The following NID2 variants were observed in gnomAD, a reference collection of about 807,000 sequenced individuals.
The protein encoded by NID2 is nidogen 2, also known as nidogen-2.
A neutral mutation model predicts 145.4 loss-of-function variants in NID2; 83 were observed. That is an observed-to-expected ratio of 0.57 (90% CI 0.48 to 0.69). The LOEUF is 0.69. Among genes scored for constraint, NID2 ranks in the 30% least tolerant of loss-of-function variants. NID2 has a pLI of 0.00. For missense variants in NID2, 1,807 were observed against 1,765.7 expected (o/e 1.02, Z -0.42); for synonymous variants, 739 against 701.3 (o/e 1.05, Z -0.85).
chr14:52,005,869 G>A lies in NID2; in HGVS notation c.4005-20C>T. The A allele has an allele frequency of 6.5e-7, 1 of 1,528,904 alleles. No homozygotes were observed. The highest frequency in any genetic ancestry group is 1.1e-5 in the South Asian group (1 of 89,330). 94.7% of individuals were successfully genotyped at this position (1,528,904 alleles called of 1,614,324 possible). A position where few individuals can be genotyped will look rare whatever the true frequency, so the allele number is the denominator to read the frequency against. ...CCATCCCTGGTAACAGAAAGGAAGA[G>A]TGAATTCAGGGACAGTCATTTACTA... On this transcript the variant is annotated intron_variant, in intron 20 of 21. Coordinates refer to ENST00000216286, the MANE Select transcript of NID2 (RefSeq NM_007361.4).
At chr14:52,047,641 G>A (rs953832831) in intron 5 of NID2, among the ~76,000 whole-genome samples, 1 of 152,138 alleles carries the variant, frequency 6.6e-6, no homozygotes, top group Non-Finnish European at 1.5e-5. Flanking sequence ...TATTCTGAAG[G>A]TGGAACCGAG....
At chr14:52,020,648 G>T (rs886715363) in intron 12 of NID2, among the ~76,000 whole-genome samples, 1 of 152,148 alleles carries the variant, frequency 6.6e-6, no homozygotes, top group Admixed American at 6.5e-5. Flanking sequence ...GGAGCCAGAT[G>T]AGGCCCAAAT....
At chr14:52,027,374 G>A (rs28663441) in intron 11 of NID2, 30 bp from the exon 12 acceptor site, 1 of 1,494,824 alleles carries the variant, frequency 6.7e-7, no homozygotes, top group Non-Finnish European at 8.9e-7. Context: ...AGGGCATCCA[G>A]AGTTTAGGCC....
At chr14:52,014,179 C>G in intron 16 of NID2, 108 bp downstream of exon 16, 1 of 1,445,356 alleles carries the variant, frequency 6.9e-7, no homozygotes, top group Non-Finnish European at 9.7e-7. Context: ...CTCAGAAACC[C>G]TCCAGGACTT....
At chr14:52,010,604 C>G (rs1001574277) in intron 18 of NID2, 1 of 313,148 alleles carries the variant, frequency 3.2e-6, no homozygotes, top group Non-Finnish European at 6.1e-6. Flanking sequence ...TCTCACAACA[C>G]TATCTGAATT....
chr14:52,011,896 G>A (rs1027585745), intron 16 of NID2: 44 of 534,824 alleles, frequency 8.2e-5, no homozygotes, highest in East Asian at 2.9e-4. Flanking sequence ...ACCTCTATGC[G>A]TTTGTCTCAT....
At position 52,056,571 on chromosome 14, in the gene NID2, G is replaced by A. The variant is rs181924729; in HGVS notation, c.768-2250C>T. Among the ~76,000 whole-genome samples, 34 of 152,136 alleles carry A rather than the reference G, an allele frequency of 2.2e-4. 1 individual carries two copies. The highest frequency in any genetic ancestry group is 7.0e-4 in the African/African-American group (29 of 41,490). On this transcript the variant is annotated intron_variant, in intron 3 of 21. Coordinates refer to ENST00000216286, the MANE Select transcript of NID2 (RefSeq NM_007361.4). ...AGCACTTTGGGAAATCAAGGTGGGC[G>A]GATCACCTGAGGTTAGGAGTTCAAG...
chr14:52,044,162 T>C lies in NID2; in HGVS notation c.1430-1231A>G, dbSNP rs564988450. On this transcript the variant is annotated intron_variant, in intron 5 of 21. Coordinates refer to ENST00000216286, the MANE Select transcript of NID2 (RefSeq NM_007361.4). ...AAGGAGCTAATGAGACATAGCATTA[T>C]AGGTACAATGTCACCAAGATAAAGA... Among the ~76,000 whole-genome samples, 12 of 151,906 alleles carry C rather than the reference T, an allele frequency of 7.9e-5. 1 individual carries two copies. In the South Asian group the frequency reaches 2.5e-3, roughly 32 times the overall value.
intron 12 of NID2, among the ~76,000 whole-genome samples, chr14:52,025,622 T>C (rs899490683): frequency 1.3e-5 from 2 of 152,138 alleles, no homozygotes; most frequent in African/African-American, 4.8e-5. Context: ...TTCCTGCTGG[T>C]TGGGACTCTC....
At chr14:52,020,255 C>CAAA in intron 12 of NID2, 77 bp from the exon 13 acceptor site, 1 of 1,586,842 alleles carries the variant, frequency 6.3e-7, no homozygotes, top group South Asian at 1.1e-5. Context: ...ACTGCATGGG[C>CAAA]TTTGGATATG....
At chr14:52,026,973 G>A (rs1455671200) in intron 12 of NID2, among the ~76,000 whole-genome samples, 1 of 152,204 alleles carries the variant, frequency 6.6e-6, no homozygotes, top group East Asian at 1.9e-4. Context: ...AGTGCTACAG[G>A]AACGTCTCCG....
Position 52,046,855 on chromosome 14 carries a change from A to G in NID2, c.1430-3924T>C, listed in dbSNP as rs184545451. On this transcript the variant is annotated intron_variant, in intron 5 of 21. Transcript: ENST00000216286. ...GCCAAGAACACACACTGTCTCTTTC[A>G]GCTTCATAACAGCCACATGAAGGAA... is the stretch of plus-strand genomic sequence containing the variant. Among the ~76,000 whole-genome samples, 56 of 152,328 alleles carry G rather than the reference A, an allele frequency of 3.7e-4. 1 individual carries two copies. The highest frequency in any genetic ancestry group is 8.2e-4 in the African/African-American group (34 of 41,582).
chr14:52,013,225 C>T (rs1348100613), intron 16 of NID2, among the ~76,000 whole-genome samples: 1 of 152,186 alleles, frequency 6.6e-6, no homozygotes, highest in Non-Finnish European at 1.5e-5. Context: ...CTACCACTAC[C>T]ATCACCACCC....
intron 9 of NID2, among the ~76,000 whole-genome samples, chr14:52,030,648 GAGAAAGAA>G (rs113515391): frequency 3.4e-5 from 5 of 149,160 alleles, no homozygotes; most frequent in Admixed American, 3.3e-4. Context: ...GAAAGAAAAA[GAGAAAGAA>G]AGAAAGAAAA....
chr14:52,018,115 G>A (rs954645745), intron 14 of NID2, among the ~76,000 whole-genome samples: 1 of 152,154 alleles, frequency 6.6e-6, no homozygotes, highest in Non-Finnish European at 1.5e-5. Context: ...CCATACCCGG[G>A]CAACAGTTAA....
intron 16 of NID2, 31 bp from the exon 17 acceptor site, chr14:52,011,714 A>G: frequency 6.2e-7 from 1 of 1,613,070 alleles, no homozygotes. Flanking sequence ...AATTAGAAGA[A>G]TTAGGTTACA....
In NID2 at chr14:52,068,876, C is replaced by G; in HGVS notation, c.119G>C (p.Gly40Ala). Residue 40 changes from glycine to alanine, a missense_variant, in exon 1 of 22, where the codon GGG becomes GCG. Gly to Ala is a moderately conservative substitution (Grantham distance 60). Coordinates refer to ENST00000216286, the MANE Select transcript of NID2 (RefSeq NM_007361.4). ...ALHPDELFPH[G>A]ESWGDQLLQE... Reference sequence around the variant, plus strand: ...CAGGAGCTGGTCCCCCCACGACTCCCCGTGTGGGAAGAGCTCGTCTGGGTG... The same window carrying G: ...CAGGAGCTGGTCCCCCCACGACTCCGCGTGTGGGAAGAGCTCGTCTGGGTG... 1 of 1,614,042 alleles carries G rather than the reference C, an allele frequency of 6.2e-7. No homozygotes were observed. The highest frequency in any genetic ancestry group is 8.5e-7 in the Non-Finnish European group (1 of 1,180,026).
At chr14:52,035,275 T>C (rs1207873198) in intron 9 of NID2, among the ~76,000 whole-genome samples, 1 of 152,178 alleles carries the variant, frequency 6.6e-6, no homozygotes, top group Admixed American at 6.5e-5. Flanking sequence ...TGCATCCTTC[T>C]CCTTCTTCCT....
intron 12 of NID2, among the ~76,000 whole-genome samples, chr14:52,024,307 C>T (rs999582634): frequency 6.6e-6 from 1 of 152,188 alleles, no homozygotes; most frequent in Non-Finnish European, 1.5e-5. Flanking sequence ...GTGATTATGA[C>T]TTCCATCTTG....
Sources: allele counts gnomAD v4.1 joint callset (sites outside exome capture counted in the v4.1 genomes callset), GRCh38; gene constraint gnomAD v4.1.1; transcripts MANE v1.5; gene names NCBI Gene and HGNC (gene_info 2026-07-23, HGNC 2026-07-21).